The following DOCK4 variants were observed in gnomAD, a reference collection of about 807,000 sequenced individuals.
DOCK4 encodes the protein dedicator of cytokinesis 4.
Under a neutral mutation model 268.1 loss-of-function variants are expected in DOCK4, and 97 were observed. That is an observed-to-expected ratio of 0.36 (90% CI 0.31 to 0.43). The LOEUF (loss-of-function observed/expected upper bound fraction) is 0.43, where lower values mean the gene tolerates loss of function less well. DOCK4 is among the 20% of genes least tolerant of loss of function. The pLI is 1.00. For synonymous variants in DOCK4, 954 were observed against 887.2 expected (o/e 1.08, Z -1.34); for missense variants, 2,145 against 2,455.7 (o/e 0.87, Z 2.67).
At chr7:112,090,652 C>A (rs1809538643) in intron 1 of DOCK4, among the ~76,000 whole-genome samples, 2 of 152,086 alleles carry the variant, frequency 1.3e-5, no homozygotes, top group Non-Finnish European at 2.9e-5. Flanking sequence ...AAAGATTAGA[C>A]AGATTATTTT....
intron 12 of DOCK4, 52 bp from the exon 13 acceptor site, chr7:111,915,956 A>G: frequency 6.4e-7 from 1 of 1,568,970 alleles, no homozygotes; most frequent in South Asian, 1.2e-5. Context: ...AATAGAATAA[A>G]GAGAAACTGA....
rs577883812 is a variant in DOCK4 at position 111,794,064 on chromosome 7, A to AG, written c.3167-3460_3167-3459insC. Among the ~76,000 whole-genome samples the AG allele has an allele frequency of 6.0e-4, 92 of 152,266 alleles. 1 individual carries two copies. Among genetic ancestry groups the AG allele is most frequent in the Middle Eastern group, 6.8e-3 (2 of 294 alleles). ...AAAAATAACTGGGAGAGTGTGGAAG[A>AG]TGGGCTGTAGTGGGGACACAGATGC... On this transcript the variant is annotated intron_variant, in intron 30 of 52. Coordinates refer to ENST00000428084, the MANE Select transcript of DOCK4 (RefSeq NM_001363540.2).
At chr7:111,740,413 C>T (rs1175669321) in intron 47 of DOCK4, among the ~76,000 whole-genome samples, 1 of 147,216 alleles carries the variant, frequency 6.8e-6, no homozygotes, top group African/African-American at 2.5e-5. Context: ...ATCATGTCTT[C>T]TTAAAGAAAA....
chr7:111,935,413 A>T, intron 12 of DOCK4, 127 bp downstream of exon 12: 1 of 790,682 alleles, frequency 1.3e-6, no homozygotes, highest in Non-Finnish European at 2.2e-6. Flanking sequence ...TTCATTGAGC[A>T]TTTTTAAAGT....
chr7:111,839,162 A>G (rs952207693), intron 25 of DOCK4, among the ~76,000 whole-genome samples: 1 of 152,162 alleles, frequency 6.6e-6, no homozygotes, highest in African/African-American at 2.4e-5. Flanking sequence ...AGACTATTTG[A>G]TTGTATAGAG....
At chr7:112,136,144 G>C (rs1814324254) in intron 1 of DOCK4, among the ~76,000 whole-genome samples, 1 of 152,156 alleles carries the variant, frequency 6.6e-6, no homozygotes, top group Admixed American at 6.5e-5. Context: ...CAAATCAATA[G>C]CTTGTAAAAT....
intron 16 of DOCK4, among the ~76,000 whole-genome samples, chr7:111,890,789 A>G (rs946403662): frequency 1.3e-5 from 2 of 152,226 alleles, no homozygotes; most frequent in African/African-American, 4.8e-5. Flanking sequence ...ATAGCCTTCA[A>G]CACAGCAGAT....
chr7:112,107,272 A>ATTCT (rs2115601926), intron 1 of DOCK4, among the ~76,000 whole-genome samples: 1 of 152,246 alleles, frequency 6.6e-6, no homozygotes, highest in Admixed American at 6.5e-5. Flanking sequence ...GTATCTTAGA[A>ATTCT]TATGACTGTA....
At chr7:111,762,762 CTTTTTTTTT>C (rs869052136) in intron 39 of DOCK4, among the ~76,000 whole-genome samples, 22 of 63,072 alleles carry the variant, frequency 3.5e-4, no homozygotes, top group Admixed American at 1.0e-3. Flanking sequence ...GTTTTGTTTT[CTTTTTTTTT>C]TTTTTTTTTT....
In DOCK4 at chr7:111,872,266, T is replaced by C; in HGVS notation, c.1926+3A>G. Reference sequence around the variant, plus strand: ...AAATACAATTAAGGGAATTTGAACTTACCAAAGAATCAAACACTTTAGACC... The same window carrying C: ...AAATACAATTAAGGGAATTTGAACTCACCAAAGAATCAAACACTTTAGACC... On this transcript the variant is annotated splice_donor_region_variant and intron_variant, in intron 19 of 52. Transcript: ENST00000428084. The C allele has an allele frequency of 6.5e-7, 1 of 1,527,428 alleles. No individual in the cohort carries two copies. The highest frequency in any genetic ancestry group is 8.8e-7 in the Non-Finnish European group (1 of 1,135,600). 94.6% of individuals were successfully genotyped at this position (1,527,428 alleles called of 1,614,324 possible). A position where few individuals can be genotyped will look rare whatever the true frequency, so the allele number is the denominator to read the frequency against.
Position 111,769,612 on chromosome 7 carries a change from A to G in DOCK4, c.3745T>C (p.Phe1249Leu). 4 of 1,613,488 alleles carry G rather than the reference A, an allele frequency of 2.5e-6. No homozygotes were observed. Among genetic ancestry groups the G allele is most frequent in the Non-Finnish European group, 3.4e-6 (4 of 1,179,744 alleles). The change falls in exon 37 of 53, where the codon TTC (phenylalanine) becomes CTC (leucine). Residue 1249 changes from phenylalanine (F) to leucine (L), a missense_variant. By Grantham distance (22) the Phe-to-Leu change is conservative (BLOSUM62 0). Around this residue, in one of 2 missense-constraint regions of DOCK4, gnomAD observed 1,598 missense variants for 1,986.7 expected, o/e 0.80. Coordinates refer to ENST00000428084, the MANE Select transcript of DOCK4 (RefSeq NM_001363540.2). ...LEWSDRPLRE[F>L]LTYPMQTEWQ... ...TCTGTTTGCATGGGGTAGGTCAGGA[A>G]CTCCCTGAGGGGCCGATCAGACCAT...
At chr7:111,806,314 T>C (rs1018667887) in intron 30 of DOCK4, among the ~76,000 whole-genome samples, 1 of 152,208 alleles carries the variant, frequency 6.6e-6, no homozygotes, top group Admixed American at 6.6e-5. Flanking sequence ...GAATACTTAA[T>C]TATTCTTCTC....
chr7:112,128,331 C>T (rs1300326329), intron 1 of DOCK4, among the ~76,000 whole-genome samples: 2 of 152,034 alleles, frequency 1.3e-5, no homozygotes, highest in Non-Finnish European at 2.9e-5. Flanking sequence ...CCGCCCCGTC[C>T]GGGAGGTGAG....
At position 112,018,143 on chromosome 7, in the gene DOCK4, CAAAAAAAAA is replaced by C. The variant is rs140883588; in HGVS notation, c.38-14021_38-14013del. ...TGGGCAACACAGCAAGACTCCAGCT[CAAAAAAAAA>C]AAAAAAAAAAAAAAAAAAAAAAAAA... On this transcript the variant is annotated intron_variant, in intron 1 of 52. Coordinates refer to ENST00000428084, the MANE Select transcript of DOCK4 (RefSeq NM_001363540.2). 4.9e-3 allele frequency among the ~76,000 whole-genome samples: 102 copies of C among 20,618 alleles called. 6 individuals are homozygous for C. The highest frequency in any genetic ancestry group is 0.041 in the East Asian group (8 of 194). 13.5% of individuals were successfully genotyped at this position (20,618 alleles called of 152,430 possible). A position where few individuals can be genotyped will look rare whatever the true frequency, so the allele number is the denominator to read the frequency against.
At chr7:112,175,069 T>C (rs1818393724) in intron 1 of DOCK4, among the ~76,000 whole-genome samples, 1 of 152,026 alleles carries the variant, frequency 6.6e-6, no homozygotes. Context: ...TTCACCGTGT[T>C]AGCCAGGATG....
At chr7:112,048,632 G>T (rs1438346598) in intron 1 of DOCK4, among the ~76,000 whole-genome samples, 3 of 148,930 alleles carry the variant, frequency 2.0e-5, no homozygotes, top group East Asian at 2.0e-4. Flanking sequence ...GAGGAAGAAA[G>T]GTAAGAATGA....
At chr7:112,047,944 A>G (rs1010840559) in intron 1 of DOCK4, among the ~76,000 whole-genome samples, 6 of 151,872 alleles carry the variant, frequency 4.0e-5, no homozygotes, top group African/African-American at 1.2e-4. Flanking sequence ...TCCCACCTTC[A>G]CCTCCCAAAG....
chr7:111,878,594 T>C (rs1300405001), intron 16 of DOCK4, among the ~76,000 whole-genome samples: 3 of 152,114 alleles, frequency 2.0e-5, no homozygotes, highest in Non-Finnish European at 4.4e-5. Context: ...TCCTCTCCCA[T>C]CTCCCACCCC....
chr7:111,958,344 T>C (rs147225866), intron 8 of DOCK4, among the ~76,000 whole-genome samples: 93 of 152,270 alleles, frequency 6.1e-4, no homozygotes, highest in African/African-American at 2.0e-3. Context: ...ACAAATGGCG[T>C]TGAATACCAA....
Sources: allele counts gnomAD v4.1 joint callset (sites outside exome capture counted in the v4.1 genomes callset), GRCh38; gene constraint gnomAD v4.1.1; regional missense constraint gnomAD v4.1.1; transcripts MANE v1.5; gene names NCBI Gene and HGNC (gene_info 2026-07-23, HGNC 2026-07-21).